DLGAP2: variants seen among roughly 807,000 people sequenced by gnomAD.
The protein encoded by DLGAP2 is DLG associated protein 2.
DLGAP2 carries 26 observed loss-of-function variants against 100.3 expected under a neutral mutation model. That is an observed-to-expected ratio of 0.26 (90% confidence interval 0.19 to 0.36). DLGAP2 has a LOEUF of 0.36. DLGAP2 is among the 10% of genes least tolerant of loss of function. The pLI is 1.00. For synonymous variants in DLGAP2, 886 were observed against 630.1 expected (o/e 1.41, Z -6.08); for missense variants, 1,858 against 1,453.2 (o/e 1.28, Z -4.53).
chr8:1,259,277 C>G (rs1323843824), intron 3 of DLGAP2, among the ~76,000 whole-genome samples: 1 of 152,148 alleles, frequency 6.6e-6, no homozygotes, highest in African/African-American at 2.4e-5. Context: ...CTGTCGGTGG[C>G]TCAGCCTGAG....
intron 5 of DLGAP2, among the ~76,000 whole-genome samples, chr8:1,551,421 G>A (rs990463764): frequency 6.6e-6 from 1 of 152,068 alleles, no homozygotes; most frequent in Non-Finnish European, 1.5e-5. Context: ...TTGCCCCAGG[G>A]TCACCTGCCT....
chr8:1,315,442 G>T (rs1322673784), intron 3 of DLGAP2, among the ~76,000 whole-genome samples: 4 of 143,276 alleles, frequency 2.8e-5, no homozygotes, highest in African/African-American at 5.5e-5. Context: ...TGCGAGTGCA[G>T]CGTCTCTCCA....
chr8:833,553 G>A (rs1796819554), intron 1 of DLGAP2, among the ~76,000 whole-genome samples: 1 of 152,124 alleles, frequency 6.6e-6, no homozygotes, highest in African/African-American at 2.4e-5. Flanking sequence ...CTGGCTCAAG[G>A]TTCTCTGGCT....
intron 1 of DLGAP2, among the ~76,000 whole-genome samples, chr8:833,315 C>T (rs1474847964): frequency 6.6e-6 from 1 of 152,188 alleles, no homozygotes; most frequent in Admixed American, 6.5e-5. Flanking sequence ...TGGCTTAAAC[C>T]ATACACATTT....
intron 6 of DLGAP2, among the ~76,000 whole-genome samples, chr8:1,579,464 A>T (rs1803136908): frequency 6.6e-6 from 1 of 152,190 alleles, no homozygotes; most frequent in African/African-American, 2.4e-5. Context: ...CTTATTTATG[A>T]TACAAGCCAA....
At chr8:1,274,090 C>G (rs898245635) in intron 3 of DLGAP2, among the ~76,000 whole-genome samples, 1 of 151,842 alleles carries the variant, frequency 6.6e-6, no homozygotes, top group Admixed American at 6.6e-5. Flanking sequence ...TTCAGCATAT[C>G]GGAATTTGCA....
At chr8:1,038,432 G>A (rs1432146142) in intron 2 of DLGAP2, among the ~76,000 whole-genome samples, 3 of 152,152 alleles carry the variant, frequency 2.0e-5, no homozygotes, top group African/African-American at 7.2e-5. Flanking sequence ...AAAAACACCT[G>A]CAGCTGTGGG....
chr8:1,281,912 T>C (rs966686678), intron 3 of DLGAP2, among the ~76,000 whole-genome samples: 3 of 152,364 alleles, frequency 2.0e-5, no homozygotes, highest in African/African-American at 7.2e-5. Flanking sequence ...GGTCATGTGA[T>C]GGTGTCAGTT....
At chr8:1,099,189 C>G (rs1585057784) in intron 2 of DLGAP2, among the ~76,000 whole-genome samples, 1 of 152,194 alleles carries the variant, frequency 6.6e-6, no homozygotes, top group Non-Finnish European at 1.5e-5. Flanking sequence ...TTTTACCTGG[C>G]TGTGCTCTCA....
intron 3 of DLGAP2, among the ~76,000 whole-genome samples, chr8:1,466,941 CTAGT>C (rs1190120776): frequency 7.2e-5 from 11 of 152,138 alleles, no homozygotes; most frequent in African/African-American, 2.7e-4. Flanking sequence ...TAAAAGAGAG[CTAGT>C]TATAGAAGTG....
intron 2 of DLGAP2, among the ~76,000 whole-genome samples, chr8:1,126,133 G>A (rs1255204964): frequency 2.0e-5 from 3 of 152,244 alleles, no homozygotes; most frequent in Non-Finnish European, 4.4e-5. Context: ...GAATACGTGA[G>A]GCAGTGGTGC....
chr8:1,073,434 T>G (rs1376681048), intron 2 of DLGAP2, among the ~76,000 whole-genome samples: 1 of 152,214 alleles, frequency 6.6e-6, no homozygotes, highest in Admixed American at 6.5e-5. Flanking sequence ...ATTTTTGTAT[T>G]AGCCTTGGAA....
At chr8:1,090,526 A>G (rs1045482258) in intron 2 of DLGAP2, among the ~76,000 whole-genome samples, 1 of 152,248 alleles carries the variant, frequency 6.6e-6, no homozygotes, top group Non-Finnish European at 1.5e-5. Flanking sequence ...GGCAGTCCAG[A>G]AATTCAGGGC....
intron 1 of DLGAP2, among the ~76,000 whole-genome samples, chr8:845,622 A>G (rs1797058423): frequency 6.6e-6 from 1 of 152,084 alleles, no homozygotes; most frequent in Non-Finnish European, 1.5e-5. Context: ...TTTCACCTTC[A>G]CTTTTCTTGA....
intron 1 of DLGAP2, among the ~76,000 whole-genome samples, chr8:847,690 A>G (rs2128986866): frequency 6.6e-6 from 1 of 152,214 alleles, no homozygotes; most frequent in South Asian, 2.1e-4. Flanking sequence ...TAATTTTAGT[A>G]GAGACAGGGT....
chr8:960,252 T>TTTTTTTTTTTTTTC (rs369284313), intron 2 of DLGAP2, among the ~76,000 whole-genome samples: 2 of 141,926 alleles, frequency 1.4e-5, no homozygotes, highest in African/African-American at 2.8e-5. Context: ...TTTTTTTTTT[T>TTTTTTTTTTTTTTC]CCCGAGACAC....
intron 2 of DLGAP2, among the ~76,000 whole-genome samples, chr8:931,769 C>G (rs1798964085): frequency 6.6e-6 from 1 of 152,184 alleles, no homozygotes; most frequent in Non-Finnish European, 1.5e-5. Context: ...AAGGGCCCCA[C>G]TTGGTTTTTC....
At chr8:889,119 C>T (rs1191036034) in intron 1 of DLGAP2, among the ~76,000 whole-genome samples, 1 of 152,034 alleles carries the variant, frequency 6.6e-6, no homozygotes, top group African/African-American at 2.4e-5. Context: ...CCAGGATGAG[C>T]CAGGAGAAGG....
At chr8:1,103,763 G>A (rs913090324) in intron 2 of DLGAP2, among the ~76,000 whole-genome samples, 1 of 147,824 alleles carries the variant, frequency 6.8e-6, no homozygotes, top group East Asian at 2.0e-4. Context: ...TGACTGGCGG[G>A]GCCTTGGTTG....
Sources: allele counts gnomAD v4.1 joint callset (sites outside exome capture counted in the v4.1 genomes callset), GRCh38; gene constraint gnomAD v4.1.1; transcripts MANE v1.5; gene names NCBI Gene and HGNC (gene_info 2026-07-23, HGNC 2026-07-21).